Variants in THBS4 observed in about 807,000 individuals in gnomAD.
THBS4 encodes thrombospondin 4, also known as thrombospondin-4.
In THBS4, 90 loss-of-function variants were observed where a neutral mutation model predicts 115.7. The ratio of observed to expected loss-of-function variants is 0.78; its 90% CI spans 0.66 to 0.93. The LOEUF is 0.93. Among genes scored for constraint, THBS4 ranks in the 40% least tolerant of loss-of-function variants. The pLI, the probability that THBS4 is intolerant of heterozygous loss-of-function variation, is 0.00. For synonymous variants in THBS4, 460 were observed against 479.3 expected (o/e 0.96, Z 0.53); for missense variants, 1,087 against 1,232.7 (o/e 0.88, Z 1.77).
In THBS4 at chr5:80,082,555, A is replaced by C; in HGVS notation, c.2824+10A>C. On this transcript the variant is annotated intron_variant, in intron 21 of 21. Transcript: ENST00000350881. ...AAGTATCGCTGCAATGGTAATGTGCATTCTCGTTACTGTTCAACATTGTTA... is the reference window on the plus strand; with the variant it reads ...AAGTATCGCTGCAATGGTAATGTGCCTTCTCGTTACTGTTCAACATTGTTA... 1 of 1,614,032 alleles carries C rather than the reference A, an allele frequency of 6.2e-7. No individual in the cohort carries two copies. Among genetic ancestry groups the C allele is most frequent in the Non-Finnish European group, 8.5e-7 (1 of 1,179,944 alleles).
Position 80,070,208 on chromosome 5 carries a change from C to T in THBS4, c.1348-98C>T, listed in dbSNP as rs1375635998. 13 of 988,662 alleles carry T rather than the reference C, an allele frequency of 1.3e-5. No homozygotes were observed. In the East Asian group the frequency reaches 2.7e-4, roughly 21 times the overall value. The allele number at this position is 988,662 out of a possible 1,614,324, so 61.2% of individuals were successfully genotyped here. On this transcript the variant is annotated intron_variant, in intron 10 of 21. Coordinates refer to ENST00000350881, the MANE Select transcript of THBS4 (RefSeq NM_003248.6). ...CAAGGCTGAGTGACTCTGGGCCCTC[C>T]CCCTGGGATTGAGCAAAGGAGCAGA...
upstream of THBS4, among the ~76,000 whole-genome samples, chr5:80,030,690 T>C (rs1402313497): frequency 1.3e-5 from 2 of 152,134 alleles, no homozygotes; most frequent in African/African-American, 4.8e-5. Flanking sequence ...TTTATTTTTA[T>C]AGAGATGAGG....
chr5:79,997,794 A>G (rs1376307135), intron 1 of THBS4, among the ~76,000 whole-genome samples: 4 of 152,222 alleles, frequency 2.6e-5, no homozygotes, highest in African/African-American at 9.6e-5. Context: ...ATAATGCAGA[A>G]TATATTACTT....
rs16877469 is a variant in THBS4 at position 80,070,910 on chromosome 5, T to C, written c.1561-111T>C. On this transcript the variant is annotated intron_variant, in intron 12 of 21. Coordinates refer to ENST00000350881, the MANE Select transcript of THBS4 (RefSeq NM_003248.6). ...TTTACCCTATAAGATTCACAGATGT[T>C]TGAAATATAAAACTGACAAACTTGG... The C allele has an allele frequency of 9.4e-3, 14,887 of 1,582,824 alleles. 470 individuals carry two copies. In the East Asian group the frequency reaches 0.11, roughly 12 times the overall value.
chr5:80,049,158 T>C (rs995279473), intron 2 of THBS4, among the ~76,000 whole-genome samples: 1 of 152,248 alleles, frequency 6.6e-6, no homozygotes, highest in African/African-American at 2.4e-5. Context: ...TCATAATATT[T>C]TTGACTACCA....
chr5:79,991,994 CTG>C (rs1561285777), intron 1 of THBS4, among the ~76,000 whole-genome samples: 2 of 152,198 alleles, frequency 1.3e-5, no homozygotes, highest in Admixed American at 1.3e-4. Flanking sequence ...ACACAAGGCT[CTG>C]TGCTTAAAAA....
intron 1 of THBS4, among the ~76,000 whole-genome samples, chr5:80,038,968 G>T (rs1832804694): frequency 6.6e-6 from 1 of 152,110 alleles, no homozygotes; most frequent in Non-Finnish European, 1.5e-5. Context: ...ATACGTTATT[G>T]TTTAAGTTAG....
Position 80,073,467 on chromosome 5 carries a change from T to A in THBS4, c.1892+140T>A, listed in dbSNP as rs1032473063. 4 of 740,442 alleles carry A rather than the reference T, an allele frequency of 5.4e-6. No individual in the cohort carries two copies. The Admixed American group carries it at 9.5e-5, about 18-fold the overall frequency. The allele number at this position is 740,442 out of a possible 1,614,324, so 45.9% of individuals were successfully genotyped here. A position where few individuals can be genotyped will look rare whatever the true frequency, so the allele number is the denominator to read the frequency against. On this transcript the variant is annotated intron_variant, in intron 15 of 21. Coordinates refer to ENST00000350881, the MANE Select transcript of THBS4 (RefSeq NM_003248.6). ...GGTGCAATCTCGGCTCACTGCAAGC[T>A]CCGATTCCCAGGTTTATGCCATTCT... is the stretch of plus-strand genomic sequence containing the variant.
intron 1 of THBS4, among the ~76,000 whole-genome samples, chr5:79,997,416 G>A (rs766383748): frequency 6.6e-6 from 1 of 151,836 alleles, no homozygotes; most frequent in Non-Finnish European, 1.5e-5. Context: ...ATATATGAAG[G>A]ACATTACATA....
At chr5:80,067,262 ACAT>A (rs1192950498) in intron 9 of THBS4, 1 of 152,128 alleles carries the variant, frequency 6.6e-6, no homozygotes, top group Non-Finnish European at 1.5e-5. Context: ...TACGTATATC[ACAT>A]CATCACACTG....
intron 1 of THBS4, among the ~76,000 whole-genome samples, chr5:79,997,518 T>C (rs1831819074): frequency 6.6e-6 from 1 of 151,586 alleles, no homozygotes; most frequent in African/African-American, 2.4e-5. Context: ...CAAAAACTGA[T>C]AGAGGTGAAA....
intron 3 of THBS4, among the ~76,000 whole-genome samples, chr5:80,057,117 A>G (rs1035022780): frequency 2.5e-4 from 38 of 152,204 alleles, no homozygotes; most frequent in African/African-American, 9.2e-4. Context: ...ATGGAAAAAA[A>G]TTAATAGAAA....
chr5:80,080,577 A>ATTTTTTTTTT (rs1743442985), intron 20 of THBS4, among the ~76,000 whole-genome samples: 1 of 66,826 alleles, frequency 1.5e-5, no homozygotes, highest in East Asian at 6.5e-4. Flanking sequence ...CAGCGCTTGT[A>ATTTTTTTTTT]TCTTTTTTTT....
At chr5:80,004,729 T>G (rs1353298169) in intron 2 of THBS4, among the ~76,000 whole-genome samples, 1 of 152,190 alleles carries the variant, frequency 6.6e-6, no homozygotes, top group Non-Finnish European at 1.5e-5. Context: ...AACAATTTAT[T>G]TATTTTTTAT....
In THBS4 at chr5:80,003,724, G is replaced by A. The variant is rs1458936207; in HGVS notation, n.177+5297G>A. Among the ~76,000 whole-genome samples, 5 of 152,214 alleles carry A rather than the reference G, an allele frequency of 3.3e-5. No individual in the cohort carries two copies. In the East Asian group the frequency reaches 5.8e-4, roughly 18 times the overall value. On this transcript the variant is annotated intron_variant and non_coding_transcript_variant, in intron 2 of 3. Coordinates refer to the THBS4 transcript ENST00000510218. ...TTTGGGGACAGAAGCAGATGCCTTCGCCAAATTCAAAATGAAATCCCATAT... is the reference window on the plus strand; with the variant it reads ...TTTGGGGACAGAAGCAGATGCCTTCACCAAATTCAAAATGAAATCCCATAT...
intron 17 of THBS4, 65 bp from the exon 18 acceptor site, chr5:80,078,856 T>G: frequency 5.7e-4 from 875 of 1,524,128 alleles, no homozygotes; most frequent in Non-Finnish European, 7.1e-4. Flanking sequence ...CCTGAGGTTT[T>G]GAGCTTCCTT....
In THBS4 at chr5:80,078,009, G is replaced by C. The variant is rs373281842; in HGVS notation, c.2087-40G>C. 1.7e-5 allele frequency: 26 copies of C among 1,491,224 alleles called. No individual in the cohort carries two copies. The African/African-American group carries it at 3.6e-4, about 21-fold the overall frequency. The allele number at this position is 1,491,224 out of a possible 1,614,324, so 92.4% of individuals were successfully genotyped here. A position where few individuals can be genotyped will look rare whatever the true frequency, so the allele number is the denominator to read the frequency against. On this transcript the variant is annotated intron_variant, in intron 16 of 21. Transcript: ENST00000350881. ...CCTGCCAAGGAGTGGCGGTGGGTGT[G>C]AGCGCTATTGAGCTCCTGTCCTTTC...
intron 2 of THBS4, among the ~76,000 whole-genome samples, chr5:79,999,307 G>A (rs1831853919): frequency 6.6e-6 from 1 of 152,046 alleles, no homozygotes; most frequent in Admixed American, 6.6e-5. Flanking sequence ...TCCCTGTGAG[G>A]AATAATTATA....
intron 20 of THBS4, among the ~76,000 whole-genome samples, chr5:80,081,382 C>T (rs577673983): frequency 1.8e-4 from 28 of 152,218 alleles, no homozygotes; most frequent in Non-Finnish European, 2.6e-4. Context: ...TACAACCTAC[C>T]TACACGTATA....
Sources: allele counts gnomAD v4.1 joint callset (sites outside exome capture counted in the v4.1 genomes callset), GRCh38; gene constraint gnomAD v4.1.1; transcripts MANE v1.5; gene names NCBI Gene and HGNC (gene_info 2026-07-23, HGNC 2026-07-21).